The following DPP10 variants were observed in gnomAD, a reference collection of about 807,000 sequenced individuals.
DPP10 encodes inactive dipeptidyl peptidase 10.
In DPP10, 33 loss-of-function variants were observed where a neutral mutation model predicts 120.9. The observed-to-expected ratio is 0.27, with a 90% confidence interval of 0.21 to 0.37. The LOEUF (loss-of-function observed/expected upper bound fraction) is 0.37, where lower values mean the gene tolerates loss of function less well. DPP10 is among the 10% of genes least tolerant of loss of function. The pLI is 1.00. For missense variants in DPP10, 816 were observed against 942.8 expected (o/e 0.87, Z 1.76); for synonymous variants, 337 against 326.1 (o/e 1.03, Z -0.36).
At chr2:115,380,550 A>T (rs1327388176) in intron 3 of DPP10, among the ~76,000 whole-genome samples, 1 of 152,050 alleles carries the variant, frequency 6.6e-6, no homozygotes, top group Non-Finnish European at 1.5e-5. Context: ...TAGTCCATTT[A>T]CATTTAAAGT....
chr2:114,610,944 A>C (rs1693236166), intron 1 of DPP10, among the ~76,000 whole-genome samples: 1 of 151,858 alleles, frequency 6.6e-6, no homozygotes, highest in Admixed American at 6.6e-5. Context: ...GTGTTTTAGC[A>C]GGACAGCTAT....
At chr2:114,446,244 C>A (rs898739783) in intron 1 of DPP10, among the ~76,000 whole-genome samples, 4 of 152,150 alleles carry the variant, frequency 2.6e-5, no homozygotes, top group African/African-American at 9.7e-5. Context: ...TGGTTTACTT[C>A]TTTTGCTAGT....
In DPP10 at chr2:115,457,572, A is replaced by G. The variant is rs115739470; in HGVS notation, c.272-41938A>G. ...GAATTCATGTGATTGGGTAATACAT[A>G]CATGGAAAGGTGCTCACCATCATTA... is the stretch of plus-strand genomic sequence containing the variant. On this transcript the variant is annotated intron_variant, in intron 3 of 25. Coordinates refer to ENST00000410059, the MANE Select transcript of DPP10 (RefSeq NM_020868.6). 7.4e-3 allele frequency among the ~76,000 whole-genome samples: 1,124 copies of G among 152,262 alleles called. 6 individuals are homozygous for G. The highest frequency in any genetic ancestry group is 0.025 in the African/African-American group (1,029 of 41,550).
At chr2:115,124,267 A>T (rs2049965561) in intron 1 of DPP10, among the ~76,000 whole-genome samples, 1 of 152,134 alleles carries the variant, frequency 6.6e-6, no homozygotes, top group African/African-American at 2.4e-5. Flanking sequence ...CAAGCTTAAG[A>T]CCATTCAATG....
intron 3 of DPP10, among the ~76,000 whole-genome samples, chr2:115,453,158 C>A (rs542894911): frequency 2.0e-5 from 3 of 151,396 alleles, no homozygotes; most frequent in Non-Finnish European, 4.4e-5. Context: ...AATTACTCCT[C>A]ACTTAAGAAA....
chr2:114,973,460 G>C (rs553376416), intron 1 of DPP10, among the ~76,000 whole-genome samples: 2 of 151,856 alleles, frequency 1.3e-5, no homozygotes, highest in South Asian at 2.1e-4. Context: ...AGGAGATCGA[G>C]ACCATCCTGG....
intron 13 of DPP10, among the ~76,000 whole-genome samples, chr2:115,771,264 G>A (rs183932638): frequency 1.4e-4 from 22 of 151,862 alleles, no homozygotes; most frequent in East Asian, 5.8e-4. Context: ...TAGTAGAGGC[G>A]GGTTTCACCG....
chr2:114,697,791 A>G (rs1192239473), intron 1 of DPP10, among the ~76,000 whole-genome samples: 5 of 150,194 alleles, frequency 3.3e-5, no homozygotes, highest in African/African-American at 9.8e-5. Context: ...CACATCAGTT[A>G]TTATTATTCT....
chr2:115,531,771 G>A (rs1056582293), intron 5 of DPP10, among the ~76,000 whole-genome samples: 1 of 152,064 alleles, frequency 6.6e-6, no homozygotes, highest in Admixed American at 6.6e-5. Flanking sequence ...AGATAAAGCA[G>A]CAAAACATTG....
At chr2:115,586,202 T>C (rs915506779) in intron 5 of DPP10, among the ~76,000 whole-genome samples, 9 of 152,114 alleles carry the variant, frequency 5.9e-5, no homozygotes, top group Non-Finnish European at 1.0e-4. Context: ...ATTGCATGCC[T>C]GTAATCCCAA....
chr2:115,829,611 T>C (rs1372539448), intron 21 of DPP10, among the ~76,000 whole-genome samples: 1 of 152,170 alleles, frequency 6.6e-6, no homozygotes, highest in Non-Finnish European at 1.5e-5. Flanking sequence ...AGTCACAAGA[T>C]GTAGCTTTCA....
intron 1 of DPP10, among the ~76,000 whole-genome samples, chr2:114,983,611 A>T (rs1700221978): frequency 6.6e-6 from 1 of 152,178 alleles, no homozygotes; most frequent in Admixed American, 6.5e-5. Flanking sequence ...GGCTTTCATG[A>T]GTTATATAAA....
chr2:115,720,343 C>T (rs1457904399), intron 7 of DPP10, among the ~76,000 whole-genome samples: 1 of 152,096 alleles, frequency 6.6e-6, no homozygotes, highest in Non-Finnish European at 1.5e-5. Context: ...ATTTATACAT[C>T]AAGATTTTAA....
chr2:114,462,381 CA>C (rs1558779086), intron 1 of DPP10, among the ~76,000 whole-genome samples: 1 of 152,176 alleles, frequency 6.6e-6, no homozygotes, highest in African/African-American at 2.4e-5. Flanking sequence ...CCCTCTAACA[CA>C]TGACATTTAG....
intron 1 of DPP10, among the ~76,000 whole-genome samples, chr2:114,899,090 T>G (rs1434620548): frequency 6.6e-6 from 1 of 151,908 alleles, no homozygotes; most frequent in Non-Finnish European, 1.5e-5. Flanking sequence ...CAAGTATCTG[T>G]TTTCTTTTCA....
At chr2:114,762,603 T>C (rs1404491081) in intron 1 of DPP10, among the ~76,000 whole-genome samples, 1 of 152,210 alleles carries the variant, frequency 6.6e-6, no homozygotes, top group African/African-American at 2.4e-5. Context: ...ACTCAATAAG[T>C]AGCTCTTAAA....
At chr2:115,588,970 TAA>T (rs1195035424) in intron 5 of DPP10, among the ~76,000 whole-genome samples, 3 of 152,162 alleles carry the variant, frequency 2.0e-5, no homozygotes, top group Non-Finnish European at 4.4e-5. Context: ...TTGAATAAAA[TAA>T]ATTATTACTT....
chr2:115,681,100 G>A (rs1387348791), intron 5 of DPP10, among the ~76,000 whole-genome samples: 1 of 151,836 alleles, frequency 6.6e-6, no homozygotes, highest in East Asian at 1.9e-4. Context: ...AGATGCTTGT[G>A]TAGCATGTAG....
At chr2:115,803,178 T>G (rs1685477592) in intron 19 of DPP10, among the ~76,000 whole-genome samples, 1 of 152,204 alleles carries the variant, frequency 6.6e-6, no homozygotes, top group Non-Finnish European at 1.5e-5. Flanking sequence ...CCCTTTACTA[T>G]TATGTAATTT....
Sources: allele counts gnomAD v4.1 joint callset (sites outside exome capture counted in the v4.1 genomes callset), GRCh38; gene constraint gnomAD v4.1.1; transcripts MANE v1.5; gene names NCBI Gene and HGNC (gene_info 2026-07-23, HGNC 2026-07-21).